The following SLC2A10 variants were observed in gnomAD, a reference collection of about 807,000 sequenced individuals.
The protein encoded by SLC2A10 is solute carrier family 2, facilitated glucose transporter member 10.
In SLC2A10, 25 loss-of-function variants were observed where a neutral mutation model predicts 32.1. That is an observed-to-expected ratio of 0.78 (90% CI 0.57 to 1.09). The LOEUF (loss-of-function observed/expected upper bound fraction) is 1.09, where lower values mean the gene tolerates loss of function less well. Ranked by LOEUF, SLC2A10 falls within the 50% of genes least tolerant of loss-of-function variation. The probability of loss-of-function intolerance (pLI) is 0.00; values close to 1 mark genes in which losing one functional copy is unlikely to be tolerated. For missense variants in SLC2A10, 673 were observed against 686.5 expected, an observed-to-expected ratio of 0.98 and a Z score of 0.22; for synonymous variants, 332 against 309.6, an observed-to-expected ratio of 1.07 and a Z score of -0.76.
intron 4 of SLC2A10, among the ~76,000 whole-genome samples, chr20:46,731,708 T>A (rs1227381019): frequency 2.6e-5 from 4 of 152,020 alleles, no homozygotes. Context: ...AGGTCTGTGT[T>A]TTATCATCTC....
Position 46,725,950 on chromosome 20 carries a change from C to T in SLC2A10, c.914C>T (p.Ala305Val). The change falls in exon 2 of 5, where the codon GCC (alanine) becomes GTC (valine). Residue 305 changes from alanine to valine, a missense_variant. By Grantham distance (64) the Ala-to-Val change is moderately conservative. Coordinates refer to ENST00000359271, the MANE Select transcript of SLC2A10 (RefSeq NM_030777.4). Reference protein sequence around the residue: ...GRRALLLAGCALMALSVSGIG... With the variant: ...GRRALLLAGCVLMALSVSGIG... ...AGGGCTCTGTTGCTAGCTGGCTGTG[C>T]CCTCATGGCCCTGTCCGTCAGTGGC... 1 of 1,613,818 alleles carries T rather than the reference C, an allele frequency of 6.2e-7. No homozygotes were observed. Among genetic ancestry groups the T allele is most frequent in the Non-Finnish European group, 8.5e-7 (1 of 1,180,026 alleles).
At position 46,725,706 on chromosome 20, in the gene SLC2A10, G is replaced by A. The variant is rs765169323; in HGVS notation, c.670G>A (p.Ala224Thr). The change falls in exon 2 of 5, where the codon GCA (alanine) becomes ACA (threonine). Residue 224 changes from alanine (A) to threonine (T), a missense_variant. Coordinates refer to ENST00000359271, the MANE Select transcript of SLC2A10 (RefSeq NM_030777.4). ...PRYSFLDLFR[A>T]RDNMRGRTTV... ...GTACTCCTTTCTGGACCTCTTCAGG[G>A]CACGCGATAACATGCGAGGCCGGAC... 5 of 1,613,972 alleles carry A rather than the reference G, an allele frequency of 3.1e-6. No homozygotes were observed. The highest frequency in any genetic ancestry group is 1.3e-5 in the African/African-American group (1 of 74,930).
intron 4 of SLC2A10, among the ~76,000 whole-genome samples, chr20:46,731,949 C>T (rs1980324074): frequency 6.6e-6 from 1 of 152,216 alleles, no homozygotes; most frequent in African/African-American, 2.4e-5. Flanking sequence ...CTCCTAACCC[C>T]TAACTTAGCC....
intron 1 of SLC2A10, among the ~76,000 whole-genome samples, chr20:46,720,341 CA>C (rs1979481281): frequency 6.6e-6 from 1 of 152,136 alleles, no homozygotes; most frequent in Non-Finnish European, 1.5e-5. Flanking sequence ...CAAAGCAAGA[CA>C]AAAAGCCTCT....
chr20:46,717,627 C>G (rs1979327359), intron 1 of SLC2A10, among the ~76,000 whole-genome samples: 2 of 152,184 alleles, frequency 1.3e-5, no homozygotes, highest in Non-Finnish European at 2.9e-5. Flanking sequence ...ACAGGTGATC[C>G]ACCTGCTTTG....
intron 1 of SLC2A10, among the ~76,000 whole-genome samples, chr20:46,723,056 T>C (rs974286170): frequency 3.9e-5 from 6 of 152,232 alleles, no homozygotes; most frequent in Non-Finnish European, 5.9e-5. Flanking sequence ...CAGAAATTGT[T>C]GGGATTTTCT....
chr20:46,727,867 A>G (rs1475201210), intron 3 of SLC2A10, among the ~76,000 whole-genome samples: 1 of 152,062 alleles, frequency 6.6e-6, no homozygotes, highest in Non-Finnish European at 1.5e-5. Context: ...TTATTTTCCT[A>G]TTCCCTATGG....
At chr20:46,732,027 G>A (rs941875305) in intron 4 of SLC2A10, among the ~76,000 whole-genome samples, 5 of 152,196 alleles carry the variant, frequency 3.3e-5, no homozygotes, top group African/African-American at 1.2e-4. Context: ...AAAAATGGGA[G>A]GCAGATGCCG....
chr20:46,725,342 C>A lies in SLC2A10; in HGVS notation c.306C>A (p.Val102=), dbSNP rs530216827. ...LGLAGSLAWL[V]LGRAVVGFAI... ...TGGCTGGTTCCCTGGCCTGGCTGGT[C>A]CTGGGCCGCGCTGTGGTTGGCTTCG... The change falls in exon 2 of 5, where the codon GTC becomes GTA. Residue 102 remains valine, a synonymous_variant. Coordinates refer to ENST00000359271, the MANE Select transcript of SLC2A10 (RefSeq NM_030777.4). 2 of 1,613,970 alleles carry A rather than the reference C, an allele frequency of 1.2e-6. No individual in the cohort carries two copies.
intron 1 of SLC2A10, chr20:46,709,986 C>T: frequency 1.8e-6 from 1 of 544,662 alleles, no homozygotes; most frequent in East Asian, 3.4e-5. Flanking sequence ...GCTGCAGCGC[C>T]CACTCGGGCC....
intron 1 of SLC2A10, 28 bp from the exon 2 acceptor site, chr20:46,725,012 AC>A (rs1339663248): frequency 6.2e-7 from 1 of 1,614,014 alleles, no homozygotes. Flanking sequence ...AACCATTCTA[AC>A]TCTGTCCCTC....
Position 46,734,215 on chromosome 20 carries a change from G to T in SLC2A10, c.*381G>T, listed in dbSNP as rs561384809. ...GATATCACCCCTAAATCCAAATGAG[G>T]ATATCATCTTTTCTAATCTCTTTTT... On this transcript the variant is annotated 3_prime_UTR_variant, in exon 5 of 5. Coordinates refer to ENST00000359271, the MANE Select transcript of SLC2A10 (RefSeq NM_030777.4). 5 of 278,684 alleles carry T rather than the reference G, an allele frequency of 1.8e-5. No individual in the cohort carries two copies. In the South Asian group the frequency reaches 2.2e-4, roughly 12 times the overall value. 17.3% of individuals were successfully genotyped at this position (278,684 alleles called of 1,614,324 possible).
At chr20:46,712,353 T>G (rs1469041867) in intron 1 of SLC2A10, among the ~76,000 whole-genome samples, 2 of 152,198 alleles carry the variant, frequency 1.3e-5, no homozygotes, top group Non-Finnish European at 2.9e-5. Context: ...TACTCTAGTG[T>G]CACCAACGGG....
Position 46,733,911 on chromosome 20 carries a change from A to G in SLC2A10, c.*77A>G. ...CAGCATCCTGCTTCCTAGGCCCCAG[A>G]GCACAAGTTCCAGCTGGTCTTTTGG... On this transcript the variant is annotated 3_prime_UTR_variant, in exon 5 of 5. Transcript: ENST00000359271. 7.1e-7 allele frequency: 1 copy of G among 1,415,002 alleles called. No individual in the cohort carries two copies. The highest frequency in any genetic ancestry group is 2.4e-5 in the East Asian group (1 of 42,546). The allele number at this position is 1,415,002 out of a possible 1,614,324, so 87.7% of individuals were successfully genotyped here.
At chr20:46,714,910 T>C (rs1979142325) in intron 1 of SLC2A10, among the ~76,000 whole-genome samples, 1 of 151,962 alleles carries the variant, frequency 6.6e-6, no homozygotes, top group Admixed American at 6.6e-5. Flanking sequence ...TGAGAGCTCT[T>C]TCCCCTCCAC....
upstream of SLC2A10, among the ~76,000 whole-genome samples, chr20:46,709,159 T>G (rs1436160698): frequency 6.6e-6 from 1 of 152,196 alleles, no homozygotes; most frequent in Admixed American, 6.5e-5. Context: ...GTGCCTGGTA[T>G]GTGGTGGTGT....
intron 1 of SLC2A10, among the ~76,000 whole-genome samples, chr20:46,720,765 C>G (rs897486132): frequency 1.4e-4 from 21 of 152,184 alleles, no homozygotes; most frequent in African/African-American, 3.9e-4. Context: ...TTTTAACACA[C>G]AGATGTTGTA....
chr20:46,730,063 A>C (rs1402819111), intron 4 of SLC2A10, among the ~76,000 whole-genome samples: 1 of 152,216 alleles, frequency 6.6e-6, no homozygotes, highest in East Asian at 1.9e-4. Context: ...ATGGAATCAC[A>C]GGAGGCTAGA....
chr20:46,726,141 T>C lies in SLC2A10; in HGVS notation c.1105T>C (p.Ser369Pro), dbSNP rs149874933. The C allele has an allele frequency of 6.2e-7, 1 of 1,614,230 alleles. No individual in the cohort carries two copies. Among genetic ancestry groups the C allele is most frequent in the South Asian group, 1.1e-5 (1 of 91,086 alleles). Residue 369 changes from serine (S) to proline (P), a missense_variant, in exon 2 of 5, where the codon TCC becomes CCC. Transcript: ENST00000359271. ...TGAGGACCAAAGGGAGCCAATCTTGTCCACTGCTAAGAAAACCAAGCCCCA... is the reference window on the plus strand; with the variant it reads ...TGAGGACCAAAGGGAGCCAATCTTGCCCACTGCTAAGAAAACCAAGCCCCA... The part of the protein sequence containing the change: ...TNEDQREPIL[S>P]TAKKTKPHPR...
Sources: allele counts gnomAD v4.1 joint callset (sites outside exome capture counted in the v4.1 genomes callset), GRCh38; gene constraint gnomAD v4.1.1; transcripts MANE v1.5; gene names NCBI Gene and HGNC (gene_info 2026-07-23, HGNC 2026-07-21).